The following PCDH15 variants were observed in gnomAD, a reference collection of about 807,000 sequenced individuals.
PCDH15 encodes the protein protocadherin-15.
PCDH15 carries 129 observed loss-of-function variants against 178.5 expected under a neutral mutation model. The ratio of observed to expected loss-of-function variants is 0.72; its 90% CI spans 0.63 to 0.84. The LOEUF (loss-of-function observed/expected upper bound fraction) is 0.84, where lower values mean the gene tolerates loss of function less well. PCDH15 is among the 40% of genes least tolerant of loss of function. PCDH15 has a pLI of 0.00. For synonymous variants in PCDH15, 800 were observed against 732.0 expected (o/e 1.09, Z -1.50); for missense variants, 2,230 against 2,099.9 (o/e 1.06, Z -1.21).
intron 3 of PCDH15, among the ~76,000 whole-genome samples, chr10:54,826,776 C>T (rs1953139107): frequency 6.6e-6 from 1 of 151,916 alleles, no homozygotes; most frequent in Admixed American, 6.6e-5. Flanking sequence ...TTTCCCATTT[C>T]CTAAATTACC....
intron 3 of PCDH15, among the ~76,000 whole-genome samples, chr10:54,436,028 AGAG>A (rs377100621): frequency 4.2e-3 from 81 of 19,108 alleles, no homozygotes; most frequent in Admixed American, 0.012. Context: ...AGAGGAGAGG[AGAG>A]GAGAGAGAGA....
At chr10:54,203,866 T>C (rs974027609) in intron 10 of PCDH15, among the ~76,000 whole-genome samples, 1 of 152,208 alleles carries the variant, frequency 6.6e-6, no homozygotes, top group African/African-American at 2.4e-5. Context: ...CTTTATTCCT[T>C]TATTTTCAAT....
intron 3 of PCDH15, among the ~76,000 whole-genome samples, chr10:54,419,382 T>TTA (rs35727498): frequency 0.73 from 111,170 of 151,776 alleles, 42,086 homozygotes; most frequent in African/African-American, 0.86. Context: ...GCCAGCAATT[T>TTA]TGTGTAGCTC....
At chr10:54,880,086 A>G (rs151042042) in intron 3 of PCDH15, among the ~76,000 whole-genome samples, 2,042 of 152,280 alleles carry the variant, frequency 0.013, 28 homozygotes, top group Non-Finnish European at 0.022. Context: ...ATATTTTTAC[A>G]CCCAGATCCC....
chr10:55,470,432 A>C (rs1381265162), intron 2 of PCDH15, among the ~76,000 whole-genome samples: 1 of 152,100 alleles, frequency 6.6e-6, no homozygotes, highest in Non-Finnish European at 1.5e-5. Flanking sequence ...ACAGAAATCC[A>C]TATATTCTTA....
intron 18 of PCDH15, among the ~76,000 whole-genome samples, chr10:54,062,393 A>G (rs2094048553): frequency 1.3e-5 from 2 of 152,016 alleles, no homozygotes; most frequent in South Asian, 4.1e-4. Context: ...TCTTGGTTTT[A>G]AGTCTTAATA....
upstream of PCDH15, among the ~76,000 whole-genome samples, chr10:55,322,009 C>T (rs2132300558): frequency 6.6e-6 from 1 of 152,276 alleles, no homozygotes; most frequent in East Asian, 1.9e-4. Flanking sequence ...AATATCAATA[C>T]TAATTGGTAT....
chr10:55,278,626 G>A (rs773893392), intron 1 of PCDH15, among the ~76,000 whole-genome samples: 1 of 152,116 alleles, frequency 6.6e-6, no homozygotes, highest in Admixed American at 6.5e-5. Context: ...TAAATAAAGA[G>A]CTAAATAGTA....
At chr10:54,600,032 G>T in intron 2 of PCDH15, 10 of 1,338,890 alleles carry the variant, frequency 7.5e-6, no homozygotes, top group Non-Finnish European at 1.0e-5. Flanking sequence ...GCAGAAGTGG[G>T]GAAAGGTGAA....
At chr10:55,429,193 T>C (rs1838826102) in intron 2 of PCDH15, among the ~76,000 whole-genome samples, 1 of 152,108 alleles carries the variant, frequency 6.6e-6, no homozygotes, top group African/African-American at 2.4e-5. Flanking sequence ...TTCCTTTGAA[T>C]AGATTTATAT....
intron 2 of PCDH15, among the ~76,000 whole-genome samples, chr10:55,155,488 CAAA>C (rs33986131): frequency 6.9e-5 from 8 of 116,020 alleles, no homozygotes; most frequent in Admixed American, 1.8e-4. Flanking sequence ...GCAACCAATG[CAAA>C]AAAAAAAAAA....
At chr10:54,778,378 A>C (rs1264464228) in intron 1 of PCDH15, among the ~76,000 whole-genome samples, 1 of 152,142 alleles carries the variant, frequency 6.6e-6, no homozygotes, top group Non-Finnish European at 1.5e-5. Context: ...CATTCACACA[A>C]TCCATCAATA....
At chr10:53,933,036 G>A (rs532882466) in intron 25 of PCDH15, among the ~76,000 whole-genome samples, 9 of 152,020 alleles carry the variant, frequency 5.9e-5, no homozygotes, top group Admixed American at 3.9e-4. Flanking sequence ...CTTCCACCAC[G>A]ATTATAAGCT....
chr10:55,524,371 C>T (rs1325135201), intron 2 of PCDH15, among the ~76,000 whole-genome samples: 3 of 151,512 alleles, frequency 2.0e-5, no homozygotes, highest in African/African-American at 7.3e-5. Context: ...AATACAGTGG[C>T]CACCAGTCTC....
At chr10:54,324,637 C>T (rs1290348183) in intron 7 of PCDH15, among the ~76,000 whole-genome samples, 2 of 151,954 alleles carry the variant, frequency 1.3e-5, no homozygotes, top group African/African-American at 4.8e-5. Flanking sequence ...AGTGGTGGCA[C>T]ATGCCTGTAA....
chr10:53,905,453 C>T (rs900620219), intron 25 of PCDH15, among the ~76,000 whole-genome samples: 11 of 152,152 alleles, frequency 7.2e-5, no homozygotes, highest in African/African-American at 2.4e-4. Context: ...CCTGCCTCAG[C>T]GTCCCTAATG....
intron 2 of PCDH15, among the ~76,000 whole-genome samples, chr10:55,003,075 T>C (rs1239046745): frequency 6.6e-6 from 1 of 152,162 alleles, no homozygotes; most frequent in Non-Finnish European, 1.5e-5. Flanking sequence ...TTTTAACATA[T>C]GTTGTCAGTA....
chr10:55,546,489 A>G (rs779424000), intron 2 of PCDH15, among the ~76,000 whole-genome samples: 35 of 152,090 alleles, frequency 2.3e-4, no homozygotes, highest in Non-Finnish European at 4.6e-4. Context: ...GTCATTTATT[A>G]TTTTCTGTCT....
rs886725843 is a variant in PCDH15, at chr10:54,470,223, C to T, written c.157+57589G>A. Among the ~76,000 whole-genome samples, 13 of 152,270 alleles carry T rather than the reference C, an allele frequency of 8.5e-5. No individual in the cohort carries two copies. The East Asian group carries it at 1.4e-3, about 16-fold the overall frequency. Reference sequence around the variant, plus strand: ...AGGTTACTTTCAGTTTTAGTACACACGAGCAGATAGCTGAGGAATGCAAGT... The same window carrying T: ...AGGTTACTTTCAGTTTTAGTACACATGAGCAGATAGCTGAGGAATGCAAGT... On this transcript the variant is annotated intron_variant, in intron 3 of 37. Coordinates refer to ENST00000644397, the MANE Select transcript of PCDH15 (RefSeq NM_001384140.1).
Sources: gnomAD v4.1 joint callset for allele counts (sites outside exome capture counted in the v4.1 genomes callset) on GRCh38, gnomAD v4.1.1 for gene constraint, MANE v1.5 for transcripts, NCBI Gene and HGNC (gene_info 2026-07-23, HGNC 2026-07-21) for gene names.